CETP: variants seen among roughly 807,000 people sequenced by gnomAD.
CETP encodes the protein BPI fold containing family F.
In CETP, 56 loss-of-function variants were observed where a neutral mutation model predicts 66.5. The ratio of observed to expected loss-of-function variants is 0.84; its 90% CI spans 0.68 to 1.05. The LOEUF is 1.05. Among genes scored for constraint, CETP ranks in the 50% least tolerant of loss-of-function variants. CETP has a pLI of 0.00. For synonymous variants in CETP, 251 were observed against 245.7 expected (o/e 1.02, Z -0.20); for missense variants, 612 against 609.6 (o/e 1.00, Z -0.04).
At chr16:56,969,250 C>A in intron 2 of CETP, 136 bp from the exon 3 acceptor site, 1 of 1,100,552 alleles carries the variant, frequency 9.1e-7, no homozygotes, top group Non-Finnish European at 1.4e-6. Context: ...AACATATTTG[C>A]AGGTTCTGTG....
intron 2 of CETP, among the ~76,000 whole-genome samples, chr16:56,963,640 A>T (rs1441197345): frequency 6.6e-6 from 1 of 151,918 alleles, no homozygotes; most frequent in African/African-American, 2.4e-5. Context: ...TACAAACAAC[A>T]TCCTCACCTT....
intron 9 of CETP, among the ~76,000 whole-genome samples, chr16:56,974,791 C>T (rs1254941408): frequency 6.6e-6 from 1 of 152,160 alleles, no homozygotes; most frequent in Non-Finnish European, 1.5e-5. Context: ...ACTAGAAATG[C>T]TTAGGTAGTT....
chr16:56,983,566 C>T (rs2056204022), intron 15 of CETP, 26 bp from the exon 16 acceptor site: 1 of 1,613,888 alleles, frequency 6.2e-7, no homozygotes, highest in Non-Finnish European at 8.5e-7. Context: ...CAGCTCGCCC[C>T]TCTCTCCTAC....
chr16:56,969,669 AAC>A lies in CETP; in HGVS notation c.433_434del (p.Gln145AlafsTer4), dbSNP rs1425542266. Reference sequence around the variant, plus strand: ...CGACTCTGCCATTGACCTCCAGATCAACACACAGCTGAGTATGTGTCAAGCGT... The same window carrying A: ...CGACTCTGCCATTGACCTCCAGATCAACACAGCTGAGTATGTGTCAAGCGT... ...EIDSAIDLQI[N>X]TQLTCDSGRV... On this transcript the variant is annotated frameshift_variant, in exon 4 of 16. Coordinates refer to ENST00000200676, the MANE Select transcript of CETP (RefSeq NM_000078.3). LOFTEE classifies it high-confidence loss of function. 6.2e-7 allele frequency: 1 copy of A among 1,613,708 alleles called. No homozygotes were observed. Among genetic ancestry groups the A allele is most frequent in the Non-Finnish European group, 8.5e-7 (1 of 1,179,918 alleles).
At chr16:56,969,235 TG>T in intron 2 of CETP, 150 bp from the exon 3 acceptor site, 1 of 1,010,414 alleles carries the variant, frequency 9.9e-7, no homozygotes. Context: ...TTTGACATGT[TG>T]GGTAACATAT....
intron 8 of CETP, among the ~76,000 whole-genome samples, chr16:56,973,025 G>A (rs2056123677): frequency 6.6e-6 from 1 of 152,188 alleles, no homozygotes; most frequent in African/African-American, 2.4e-5. Context: ...GCTGGGGCGG[G>A]GTGGGAGCTG....
At chr16:56,981,017 A>G in intron 11 of CETP, 141 bp from the exon 12 acceptor site, 2 of 744,374 alleles carry the variant, frequency 2.7e-6, no homozygotes, top group Middle Eastern at 5.9e-4. Context: ...TTTTCAGAAG[A>G]GCAGTAGCTA....
chr16:56,973,570 G>A, intron 9 of CETP, 60 bp downstream of exon 9: 1 of 1,550,990 alleles, frequency 6.4e-7, no homozygotes. Context: ...GTGTGTGTGT[G>A]CACACGCATG....
Position 56,981,757 on chromosome 16 carries a change from T to C in CETP, c.1248+77T>C, listed in dbSNP as rs1373051338. The stretch of plus-strand genomic sequence containing the variant: ...CTTAAAGAAAGCAGGCGGAGGGCCC[T>C]AAAGGAAATCAGGCAACCAGACCAA... On this transcript the variant is annotated intron_variant, in intron 13 of 15. Transcript: ENST00000200676. 88 of 1,479,500 alleles carry C rather than the reference T, an allele frequency of 5.9e-5. 1 individual carries two copies. Among genetic ancestry groups the C allele is most frequent in the Non-Finnish European group, 8.2e-5 (87 of 1,058,746 alleles). The allele number at this position is 1,479,500 out of a possible 1,614,324, so 91.6% of individuals were successfully genotyped here.
At chr16:56,979,804 G>A (rs1174882150) in intron 11 of CETP, among the ~76,000 whole-genome samples, 1 of 151,960 alleles carries the variant, frequency 6.6e-6, no homozygotes, top group East Asian at 1.9e-4. Context: ...ACTGTGCTCG[G>A]CCAATATTTC....
intron 2 of CETP, among the ~76,000 whole-genome samples, chr16:56,965,477 A>G (rs1380418264): frequency 1.3e-5 from 2 of 152,172 alleles, no homozygotes; most frequent in African/African-American, 4.8e-5. Flanking sequence ...GTGGCTTATA[A>G]TATGGGATTT....
intron 10 of CETP, among the ~76,000 whole-genome samples, chr16:56,976,724 T>C (rs1455142727): frequency 6.6e-6 from 1 of 152,146 alleles, no homozygotes; most frequent in South Asian, 2.1e-4. Flanking sequence ...GAGACACACG[T>C]TGGGCCATCT....
chr16:56,981,095 G>T, intron 11 of CETP, 63 bp from the exon 12 acceptor site: 1 of 1,216,016 alleles, frequency 8.2e-7, no homozygotes. Context: ...CCCTGAGCTA[G>T]GAGGGTTGCT....
At position 56,981,681 on chromosome 16, in the gene CETP, G is replaced by A. The variant is rs770626353; in HGVS notation, c.1248+1G>A. On this transcript the variant is annotated splice_donor_variant, in intron 13 of 15. Transcript: ENST00000200676. LOFTEE classifies it high-confidence loss of function. Reference sequence around the variant, plus strand: ...AAAGACTGTTTCCAACTTGACTGAGGTAGGTAGTCTTGGATAGACTGGGGG... The same window carrying A: ...AAAGACTGTTTCCAACTTGACTGAGATAGGTAGTCTTGGATAGACTGGGGG... 3 of 1,613,914 alleles carry A rather than the reference G, an allele frequency of 1.9e-6. No homozygotes were observed. The highest frequency in any genetic ancestry group is 3.3e-5 in the Admixed American group (2 of 60,020).
intron 9 of CETP, among the ~76,000 whole-genome samples, chr16:56,973,774 C>T (rs12720933): frequency 8.9e-4 from 135 of 152,314 alleles, no homozygotes; most frequent in African/African-American, 3.1e-3. Flanking sequence ...TTTATTCAGC[C>T]GGGAGCATGG....
intron 2 of CETP, among the ~76,000 whole-genome samples, chr16:56,967,961 A>G (rs1476459784): frequency 7.3e-5 from 7 of 95,512 alleles, no homozygotes; most frequent in African/African-American, 2.9e-4. Context: ...CCTATCTCAA[A>G]CAAGAAAGAA....
intron 2 of CETP, among the ~76,000 whole-genome samples, chr16:56,968,819 T>TG (rs2056086899): frequency 2.6e-5 from 4 of 152,040 alleles, no homozygotes; most frequent in Non-Finnish European, 5.9e-5. Flanking sequence ...CGATTGTTGT[T>TG]TTTGTTCTAT....
At chr16:56,973,195 A>T in intron 8 of CETP, 136 bp from the exon 9 acceptor site, 1 of 892,162 alleles carries the variant, frequency 1.1e-6, no homozygotes, top group Non-Finnish European at 1.8e-6. Context: ...GCTGGGGGAA[A>T]CTGGGTACAG....
Position 56,963,112 on chromosome 16 carries a change from A to G in CETP, c.221A>G (p.Tyr74Cys). The G allele has an allele frequency of 6.2e-7, 1 of 1,612,782 alleles. No individual in the cohort carries two copies. The highest frequency in any genetic ancestry group is 8.5e-7 in the Non-Finnish European group (1 of 1,179,562). The change falls in exon 2 of 16, where the codon TAT (tyrosine) becomes TGT (cysteine). Residue 74 changes from tyrosine to cysteine, a missense_variant. Physicochemically the swap from Tyr to Cys is radical, Grantham distance 194. Coordinates refer to ENST00000200676, the MANE Select transcript of CETP (RefSeq NM_000078.3). ...KAMMLLGQVK[Y>C]GLHNIQISHL... is the part of the protein sequence containing the mutation. Reference sequence around the variant, plus strand: ...ATGATGCTCCTTGGCCAAGTCAAGTATGGGTTGCACAAGTGAGTCGGGCCT... The same window carrying G: ...ATGATGCTCCTTGGCCAAGTCAAGTGTGGGTTGCACAAGTGAGTCGGGCCT...
Sources: gnomAD v4.1 joint callset for allele counts (sites outside exome capture counted in the v4.1 genomes callset) on GRCh38, gnomAD v4.1.1 for gene constraint, MANE v1.5 for transcripts, NCBI Gene and HGNC (gene_info 2026-07-23, HGNC 2026-07-21) for gene names.